The following ZNF212 variants were observed in gnomAD, a reference collection of about 807,000 sequenced individuals.
ZNF212 encodes the protein Zinc finger protein C2H2-150.
In ZNF212, 32 loss-of-function variants were observed where a neutral mutation model predicts 47.3. The observed-to-expected ratio is 0.68, with a 90% CI of 0.51 to 0.91. The LOEUF is 0.91. ZNF212 is among the 40% of genes least tolerant of loss of function. The probability of loss-of-function intolerance (pLI) is 0.00; values close to 1 mark genes in which losing one functional copy is unlikely to be tolerated. For missense variants in ZNF212, 555 were observed against 622.8 expected, an observed-to-expected ratio of 0.89 and a Z score of 1.16; for synonymous variants, 242 against 253.8, an observed-to-expected ratio of 0.95 and a Z score of 0.44.
chr7:149,255,594 A>G lies in ZNF212; in HGVS notation c.*1179A>G, dbSNP rs1470331466. ...TAGAATAAAACTTGCTACTAGCAAA[A>G]GAAAAAAAAAAAGTTCATACTGGAT... On this transcript the variant is annotated 3_prime_UTR_variant, in exon 5 of 5. Transcript: ENST00000335870. 3 of 153,664 alleles carry G rather than the reference A, an allele frequency of 2.0e-5. No homozygotes were observed. Among genetic ancestry groups the G allele is most frequent in the African/African-American group, 7.2e-5 (3 of 41,398 alleles). 9.5% of individuals were successfully genotyped at this position (153,664 alleles called of 1,614,324 possible).
At chr7:149,252,357 A>G (rs1796772402) in intron 3 of ZNF212, among the ~76,000 whole-genome samples, 1 of 152,126 alleles carries the variant, frequency 6.6e-6, no homozygotes, top group Admixed American at 6.6e-5. Context: ...AGCAAGGATG[A>G]AATTAGATCC....
At position 149,250,321 on chromosome 7, in the gene ZNF212, C is replaced by T. The variant is rs199969571; in HGVS notation, c.187C>T (p.Gln63Ter). Residue 63 changes from glutamine to a stop codon, truncating the protein, a stop_gained, in exon 2 of 5, where the codon CAG (glutamine) becomes TAG (stop). Transcript: ENST00000335870. LOFTEE classifies it high-confidence loss of function. Reference sequence around the variant, plus strand: ...GATGGAGTCCCAGGCTGCCCGGCTACAGAGCCTGGAGGGGCGCACGGGGAC... The same window carrying T: ...GATGGAGTCCCAGGCTGCCCGGCTATAGAGCCTGGAGGGGCGCACGGGGAC... ...KKMESQAARL[Q>*]SLEGRTGTAE... 1.2e-5 allele frequency: 19 copies of T among 1,613,920 alleles called. No individual in the cohort carries two copies. In the Admixed American group the frequency reaches 3.2e-4, roughly 27 times the overall value.
At chr7:149,241,207 G>A (rs988754858) in intron 1 of ZNF212, among the ~76,000 whole-genome samples, 1 of 152,150 alleles carries the variant, frequency 6.6e-6, no homozygotes, top group African/African-American at 2.4e-5. Flanking sequence ...GCCGAGGAGG[G>A]CGGATCACGA....
At chr7:149,243,210 A>G (rs565097039) in intron 1 of ZNF212, among the ~76,000 whole-genome samples, 7 of 152,116 alleles carry the variant, frequency 4.6e-5, no homozygotes, top group East Asian at 1.9e-4. Flanking sequence ...TGGCTAACAC[A>G]GTGAAATTCC....
At chr7:149,247,621 G>A (rs1357653506) in intron 1 of ZNF212, among the ~76,000 whole-genome samples, 8 of 152,174 alleles carry the variant, frequency 5.3e-5, no homozygotes, top group Non-Finnish European at 2.9e-5. Flanking sequence ...TAGGGCTGGT[G>A]TAACAAACTG....
chr7:149,247,082 G>T (rs1258794571), intron 1 of ZNF212, among the ~76,000 whole-genome samples: 1 of 148,856 alleles, frequency 6.7e-6, no homozygotes, highest in East Asian at 2.0e-4. Context: ...AAAGTGCTGG[G>T]ATTTTAGGTG....
intron 1 of ZNF212, among the ~76,000 whole-genome samples, chr7:149,246,860 T>G (rs1286537133): frequency 7.0e-6 from 1 of 142,230 alleles, no homozygotes; most frequent in Non-Finnish European, 1.5e-5. Context: ...TTGCCCAGGC[T>G]GGAGTACAAT....
chr7:149,254,372 G>T lies in ZNF212; in HGVS notation c.1445G>T (p.Gly482Val). The T allele has an allele frequency of 6.2e-7, 1 of 1,608,072 alleles. No homozygotes were observed. Among genetic ancestry groups the T allele is most frequent in the Middle Eastern group, 1.6e-4 (1 of 6,062 alleles). The part of the protein sequence containing the change: ...QHQKIHQRER[G>V]GLALEPGRPN... ...CAGAAGATCCACCAGCGGGAGCGGG[G>T]TGGGCTGGCCCTGGAGCCCGGAAGG... The change falls in exon 5 of 5, where the codon GGT (glycine) becomes GTT (valine). Residue 482 changes from glycine (G) to valine (V), a missense_variant. Coordinates refer to ENST00000335870, the MANE Select transcript of ZNF212 (RefSeq NM_012256.4). The surrounding 1 kb of genome is among the most constrained non-coding windows in gnomAD (Gnocchi z 4.5).
chr7:149,253,426 T>C, intron 4 of ZNF212, 133 bp from the exon 5 acceptor site: 1 of 1,117,570 alleles, frequency 8.9e-7, no homozygotes, highest in Non-Finnish European at 1.2e-6. Flanking sequence ...CTAGCCAGTG[T>C]CATCCTCCTC....
intron 1 of ZNF212, among the ~76,000 whole-genome samples, chr7:149,244,005 G>A (rs1249007753): frequency 6.6e-6 from 1 of 152,178 alleles, no homozygotes; most frequent in Non-Finnish European, 1.5e-5. Context: ...TTGGCTCACT[G>A]CAACCTTGCA....
chr7:149,250,011 A>G (rs1350063022), intron 1 of ZNF212, 148 bp from the exon 2 acceptor site: 1 of 658,254 alleles, frequency 1.5e-6, no homozygotes, highest in Admixed American at 3.8e-5. Context: ...TTAATACAAT[A>G]TCTATGTATA....
In ZNF212 at chr7:149,248,843, A is replaced by C. The variant is rs1214154529; in HGVS notation, c.25-1316A>C. On this transcript the variant is annotated intron_variant, in intron 1 of 4. Coordinates refer to ENST00000335870, the MANE Select transcript of ZNF212 (RefSeq NM_012256.4). The stretch of plus-strand genomic sequence containing the variant: ...CATGTGTTCCATGATGAATTAACTG[A>C]CTTGAGTAACTAGAGTAGGTCATGG... 2.0e-5 allele frequency among the ~76,000 whole-genome samples: 3 copies of C among 152,220 alleles called. No homozygotes were observed. In the East Asian group the frequency reaches 5.8e-4, roughly 29 times the overall value.
At position 149,253,808 on chromosome 7, in the gene ZNF212, G is replaced by A; in HGVS notation, c.881G>A (p.Arg294Lys). ...GGCTGCCCGAAGCAGAAATCTCATA[G>A]GCAGGTACAGCTGGACCAGGAATGT... ...TVGCPKQKSH[R>K]QVQLDQECGQ... is the part of the protein sequence containing the mutation. Residue 294 changes from arginine (R) to lysine (K), a missense_variant, in exon 5 of 5, where the codon AGG (arginine) becomes AAG (lysine). Transcript: ENST00000335870. 1 of 1,614,056 alleles carries A rather than the reference G, an allele frequency of 6.2e-7. No individual in the cohort carries two copies. Among genetic ancestry groups the A allele is most frequent in the South Asian group, 1.1e-5 (1 of 91,088 alleles).
chr7:149,239,837 G>C, intron 1 of ZNF212, 35 bp downstream of exon 1: 1 of 1,266,772 alleles, frequency 7.9e-7, no homozygotes, highest in South Asian at 3.3e-5. Context: ...TCGAGGGCGC[G>C]TTGGGGATGG....
intron 1 of ZNF212, among the ~76,000 whole-genome samples, chr7:149,246,036 G>T (rs1198952133): frequency 2.6e-5 from 4 of 152,122 alleles, no homozygotes; most frequent in Admixed American, 2.0e-4. Flanking sequence ...ATTGTAAGGT[G>T]GTTGTGTTTT....
At chr7:149,245,790 G>C (rs912726886) in intron 1 of ZNF212, among the ~76,000 whole-genome samples, 15 of 152,126 alleles carry the variant, frequency 9.9e-5, no homozygotes. Flanking sequence ...TTACAGACTC[G>C]AGCCACTGTG....
intron 4 of ZNF212, 33 bp from the exon 5 acceptor site, chr7:149,253,526 G>T: frequency 1.9e-6 from 3 of 1,574,386 alleles, no homozygotes; most frequent in South Asian, 1.2e-5. Context: ...ACTAGAATGT[G>T]ATCTTTTTTG....
chr7:149,250,151 TC>T lies in ZNF212; in HGVS notation c.25-6del. The T allele has an allele frequency of 1.3e-6, 2 of 1,507,220 alleles. No individual in the cohort carries two copies. Among genetic ancestry groups the T allele is most frequent in the East Asian group, 4.5e-5 (2 of 44,012 alleles). The allele number at this position is 1,507,220 out of a possible 1,614,324, so 93.4% of individuals were successfully genotyped here. On this transcript the variant is annotated splice_region_variant and splice_polypyrimidine_tract_variant and intron_variant, in intron 1 of 4. Transcript: ENST00000335870. ...AGTGACATTGACCCTGTGTCTTTAA[TC>T]CATCAGCACAGGAGAAAACGACGCT...
intron 1 of ZNF212, among the ~76,000 whole-genome samples, chr7:149,241,356 T>A (rs910906982): frequency 2.3e-4 from 32 of 139,670 alleles, no homozygotes; most frequent in African/African-American, 8.2e-4. Context: ...CGCTTGAACC[T>A]GGGAGGTGGA....
Sources: allele counts gnomAD v4.1 joint callset (sites outside exome capture counted in the v4.1 genomes callset), GRCh38; gene constraint gnomAD v4.1.1; non-coding constraint Gnocchi (gnomAD v3.1); transcripts MANE v1.5; gene names NCBI Gene and HGNC (gene_info 2026-07-23, HGNC 2026-07-21).